DDX10: variants seen among roughly 807,000 people sequenced by gnomAD.
The protein encoded by DDX10 is DEAD-box helicase 10, also known as probable ATP-dependent RNA helicase DDX10.
In DDX10, 74 loss-of-function variants were observed where a neutral mutation model predicts 104.3. The ratio of observed to expected loss-of-function variants is 0.71; its 90% CI spans 0.59 to 0.86. The LOEUF (loss-of-function observed/expected upper bound fraction) is 0.86. Among genes scored for constraint, DDX10 ranks in the 40% least tolerant of loss-of-function variants. The pLI is 0.00. For missense variants in DDX10, 952 were observed against 1,040.0 expected (o/e 0.92, Z 1.16); for synonymous variants, 351 against 353.4 (o/e 0.99, Z 0.08).
intron 13 of DDX10, among the ~76,000 whole-genome samples, chr11:108,745,279 G>A (rs1280596956): frequency 1.6e-5 from 2 of 125,206 alleles, no homozygotes; most frequent in African/African-American, 6.2e-5. Context: ...CTTTCCTTCC[G>A]TCTTACTCTG....
chr11:108,872,772 G>A (rs918599097), intron 16 of DDX10, among the ~76,000 whole-genome samples: 1 of 151,906 alleles, frequency 6.6e-6, no homozygotes, highest in Non-Finnish European at 1.5e-5. Flanking sequence ...GTGTTTTTTG[G>A]TGCAGATACA....
intron 13 of DDX10, among the ~76,000 whole-genome samples, chr11:108,740,246 G>T (rs1373815781): frequency 6.6e-6 from 1 of 152,026 alleles, no homozygotes; most frequent in African/African-American, 2.4e-5. Context: ...TTGGTTTTCT[G>T]TTCCTTTGTT....
rs190084043 is a variant in DDX10 at position 108,777,692 on chromosome 11, A to G, written c.1965+54230A>G. Reference sequence around the variant, plus strand: ...CAACATAGTGTTGGAAGTTCTGGCCAGGGCAATCAGGCAAGAGAAAGAAAT... The same window carrying G: ...CAACATAGTGTTGGAAGTTCTGGCCGGGGCAATCAGGCAAGAGAAAGAAAT... On this transcript the variant is annotated intron_variant, in intron 13 of 17. Transcript: ENST00000322536. Among the ~76,000 whole-genome samples, 412 of 152,318 alleles carry G rather than the reference A, an allele frequency of 2.7e-3. 1 individual carries two copies. Among genetic ancestry groups the G allele is most frequent in the African/African-American group, 8.1e-3 (336 of 41,566 alleles).
At chr11:108,753,719 G>T (rs1489263665) in intron 13 of DDX10, among the ~76,000 whole-genome samples, 1 of 151,980 alleles carries the variant, frequency 6.6e-6, no homozygotes, top group Non-Finnish European at 1.5e-5. Flanking sequence ...TGGACACAAT[G>T]GCAAATAAGC....
At chr11:108,746,754 A>G (rs2094332356) in intron 13 of DDX10, among the ~76,000 whole-genome samples, 1 of 152,116 alleles carries the variant, frequency 6.6e-6, no homozygotes, top group South Asian at 2.1e-4. Context: ...ATCTCACTAG[A>G]TAGGAAATAG....
chr11:108,871,200 T>G (rs529906997), intron 16 of DDX10, among the ~76,000 whole-genome samples: 2 of 152,318 alleles, frequency 1.3e-5, no homozygotes, highest in Admixed American at 6.5e-5. Flanking sequence ...TGATTTCCAT[T>G]ATCACTTAGG....
rs959586954 is a variant in DDX10, at chr11:108,706,729, T to C, written c.1224-10T>C. The C allele has an allele frequency of 3.0e-5, 49 of 1,610,530 alleles. No homozygotes were observed. Among genetic ancestry groups the C allele is most frequent in the Non-Finnish European group, 3.9e-5 (46 of 1,176,856 alleles). On this transcript the variant is annotated splice_polypyrimidine_tract_variant and intron_variant, in intron 9 of 17. Coordinates refer to ENST00000322536, the MANE Select transcript of DDX10 (RefSeq NM_004398.4). ...TTGATGTGTTAAAGATTTTGTTTCT[T>C]TTTGTTTAGGTACAAAGAGGATGGT...
intron 15 of DDX10, 68 bp downstream of exon 15, chr11:108,841,544 T>C: frequency 1.5e-6 from 2 of 1,331,036 alleles, no homozygotes; most frequent in Non-Finnish European, 2.1e-6. Context: ...AAATATTCAT[T>C]AGCTATTCAT....
intron 13 of DDX10, among the ~76,000 whole-genome samples, chr11:108,741,613 G>A (rs1238698927): frequency 6.6e-6 from 1 of 152,044 alleles, no homozygotes; most frequent in Non-Finnish European, 1.5e-5. Context: ...GGATATTGCT[G>A]GTGTATAGGA....
At position 108,903,312 on chromosome 11, in the gene DDX10, A is replaced by G. The variant is rs942390755; in HGVS notation, c.2305-14561A>G. Among the ~76,000 whole-genome samples, 22 of 152,200 alleles carry G rather than the reference A, an allele frequency of 1.4e-4. 1 individual carries two copies. The highest frequency in any genetic ancestry group is 5.3e-4 in the African/African-American group (22 of 41,538). ...TTCCATATAAGTGGATTCATGCAAT[A>G]TGTGGTCCTTTGCGATGGGCTTCTT... is the stretch of plus-strand genomic sequence containing the variant. On this transcript the variant is annotated intron_variant, in intron 16 of 17. Coordinates refer to ENST00000322536, the MANE Select transcript of DDX10 (RefSeq NM_004398.4).
intron 16 of DDX10, among the ~76,000 whole-genome samples, chr11:108,912,013 C>G (rs1863687450): frequency 6.6e-6 from 1 of 152,130 alleles, no homozygotes; most frequent in Non-Finnish European, 1.5e-5. Context: ...TGTGTATATT[C>G]TCTTAAATAT....
At chr11:108,839,529 A>G (rs1033123107) in intron 14 of DDX10, among the ~76,000 whole-genome samples, 1 of 152,210 alleles carries the variant, frequency 6.6e-6, no homozygotes, top group Non-Finnish European at 1.5e-5. Flanking sequence ...TGAAACATCT[A>G]TTTCAATAAA....
rs556488607 is a variant in DDX10, at chr11:108,856,525, A to G, written c.2304+4316A>G. 3.3e-5 allele frequency among the ~76,000 whole-genome samples: 5 copies of G among 152,230 alleles called. No homozygotes were observed. The South Asian group carries it at 1.0e-3, about 32-fold the overall frequency. ...CTTAAAAAACTAATGGACTTGAGAG[A>G]TGCCCTGGACTGACTTTTTAATCTA... On this transcript the variant is annotated intron_variant, in intron 16 of 17. Coordinates refer to ENST00000322536, the MANE Select transcript of DDX10 (RefSeq NM_004398.4).
chr11:108,922,111 G>T (rs1863835951), intron 17 of DDX10: 1 of 152,138 alleles, frequency 6.6e-6, no homozygotes. Context: ...GGGCGTGGTG[G>T]CGGGCGCCTG....
chr11:108,743,697 G>A (rs7941789), intron 13 of DDX10, among the ~76,000 whole-genome samples: 5,133 of 152,226 alleles, frequency 0.034, 291 homozygotes, highest in African/African-American at 0.12. Context: ...GATAAAGGGT[G>A]TGCGTGCTAA....
intron 16 of DDX10, among the ~76,000 whole-genome samples, chr11:108,895,025 A>G (rs1210867690): frequency 6.6e-6 from 1 of 152,012 alleles, no homozygotes; most frequent in Non-Finnish European, 1.5e-5. Flanking sequence ...GACAATTTCA[A>G]AATAAAAAGA....
intron 10 of DDX10, 75 bp downstream of exon 10, chr11:108,706,912 A>G: frequency 8.2e-7 from 1 of 1,222,790 alleles, no homozygotes; most frequent in Non-Finnish European, 1.2e-6. Context: ...ATGTGCACCT[A>G]ATTTGCCCCT....
At chr11:108,908,435 C>A (rs555190183) in intron 16 of DDX10, among the ~76,000 whole-genome samples, 1 of 152,054 alleles carries the variant, frequency 6.6e-6, no homozygotes, top group African/African-American at 2.4e-5. Flanking sequence ...GCTTTTAATT[C>A]ATACAATATG....
chr11:108,753,396 A>C (rs2094340876), intron 13 of DDX10, among the ~76,000 whole-genome samples: 1 of 152,128 alleles, frequency 6.6e-6, no homozygotes, highest in African/African-American at 2.4e-5. Context: ...GCAGTCATCC[A>C]TTCCAATGTA....
Sources: gnomAD v4.1 joint callset for allele counts (sites outside exome capture counted in the v4.1 genomes callset) on GRCh38, gnomAD v4.1.1 for gene constraint, MANE v1.5 for transcripts, NCBI Gene and HGNC (gene_info 2026-07-23, HGNC 2026-07-21) for gene names.